The following VPS13A variants were observed in gnomAD, a reference collection of about 807,000 sequenced individuals.
The protein encoded by VPS13A is vacuolar protein sorting 13 homolog A, also known as intermembrane lipid transfer protein VPS13A.
In VPS13A, 264 loss-of-function variants were observed where a neutral mutation model predicts 390.9. That is an observed-to-expected ratio of 0.68 (90% CI 0.61 to 0.75). The LOEUF is 0.75. Among genes scored for constraint, VPS13A ranks in the 30% least tolerant of loss-of-function variants. The pLI, the probability that VPS13A is intolerant of heterozygous loss-of-function variation, is 0.00. For synonymous variants in VPS13A, 1,231 were observed against 1,227.1 expected, an observed-to-expected ratio of 1.00 and a Z score of -0.07; for missense variants, 3,409 against 3,733.9, an observed-to-expected ratio of 0.91 and a Z score of 2.27.
Position 77,361,836 on chromosome 9 carries a change from A to G in VPS13A, c.8211+1195A>G, listed in dbSNP as rs577437285. On this transcript the variant is annotated intron_variant, in intron 59 of 71. Transcript: ENST00000360280. ...TTACTATCTGTCTTTGATTCTAGCAATCATAATGGGTGAATGTGAAATAGT... is the reference window on the plus strand; with the variant it reads ...TTACTATCTGTCTTTGATTCTAGCAGTCATAATGGGTGAATGTGAAATAGT... 2.6e-4 allele frequency among the ~76,000 whole-genome samples: 39 copies of G among 152,176 alleles called. No individual in the cohort carries two copies. In the East Asian group the frequency reaches 3.7e-3, roughly 14 times the overall value.
chr9:77,239,372 A>G (rs905847256), intron 19 of VPS13A, among the ~76,000 whole-genome samples: 3 of 152,022 alleles, frequency 2.0e-5, no homozygotes, highest in African/African-American at 7.2e-5. Flanking sequence ...ACCCTGCCAC[A>G]CACACCAAAA....
At position 77,316,381 on chromosome 9, in the gene VPS13A, T is replaced by G; in HGVS notation, c.4838T>G (p.Val1613Gly). ...GTGAGAGCCTGCCCGTTTCTTCCAG[T>G]CAAGAGAAAAGGCAAAATCACTACT... ...LQVRACPFLP[V>G]KRKGKITTVL... is the part of the protein sequence containing the mutation. The change falls in exon 39 of 72, where the codon GTC (valine) becomes GGC (glycine). Residue 1613 changes from valine (V) to glycine (G), a missense_variant. By Grantham distance (109) the Val-to-Gly change is moderately radical. Coordinates refer to ENST00000360280, the MANE Select transcript of VPS13A (RefSeq NM_033305.3). 1 of 1,612,968 alleles carries G rather than the reference T, an allele frequency of 6.2e-7. No homozygotes were observed. Among genetic ancestry groups the G allele is most frequent in the Non-Finnish European group, 8.5e-7 (1 of 1,179,182 alleles).
rs1187167023 is a variant in VPS13A at position 77,418,133 on chromosome 9, G to A, written c.*2127G>A. Reference sequence around the variant, plus strand: ...ATTCTGTAGCCCATTTTTCTTGAAGGTTAGAATAAGAATCTTCTTGTATTT... The same window carrying A: ...ATTCTGTAGCCCATTTTTCTTGAAGATTAGAATAAGAATCTTCTTGTATTT... On this transcript the variant is annotated 3_prime_UTR_variant, in exon 72 of 72. Coordinates refer to ENST00000360280, the MANE Select transcript of VPS13A (RefSeq NM_033305.3). 1 of 152,096 alleles carries A rather than the reference G, an allele frequency of 6.6e-6. No individual in the cohort carries two copies. The highest frequency in any genetic ancestry group is 1.9e-4 in the East Asian group (1 of 5,192). 9.4% of individuals were successfully genotyped at this position (152,096 alleles called of 1,614,324 possible).
chr9:77,372,711 G>A (rs1338825428), intron 67 of VPS13A, among the ~76,000 whole-genome samples: 3 of 152,134 alleles, frequency 2.0e-5, no homozygotes, highest in African/African-American at 7.2e-5. Flanking sequence ...GTTTGCAGAC[G>A]ACATGATTGT....
intron 68 of VPS13A, among the ~76,000 whole-genome samples, chr9:77,396,758 TTTAC>T (rs1343448743): frequency 1.3e-5 from 2 of 152,196 alleles, no homozygotes; most frequent in South Asian, 2.1e-4. Context: ...AGTTTGTCTA[TTTAC>T]TTCTTAAATA....
At chr9:77,182,156 C>T (rs548747916) in intron 1 of VPS13A, among the ~76,000 whole-genome samples, 14 of 152,274 alleles carry the variant, frequency 9.2e-5, no homozygotes, top group South Asian at 4.1e-4. Flanking sequence ...TGCAGTGACG[C>T]GATCTCGGCT....
chr9:77,225,493 G>T (rs577891375), intron 13 of VPS13A, among the ~76,000 whole-genome samples: 1 of 152,246 alleles, frequency 6.6e-6, no homozygotes, highest in South Asian at 2.1e-4. Context: ...TGATTCGCCT[G>T]CCTCAGCCTC....
chr9:77,282,257 A>G lies in VPS13A; in HGVS notation c.3101A>G (p.Asp1034Gly), dbSNP rs776011850. 3 of 1,612,456 alleles carry G rather than the reference A, an allele frequency of 1.9e-6. No individual in the cohort carries two copies. The highest frequency in any genetic ancestry group is 2.5e-6 in the Non-Finnish European group (3 of 1,179,510). Residue 1034 changes from aspartate to glycine, a missense_variant, in exon 29 of 72, where the codon GAT becomes GGT. Physicochemically the swap from Asp to Gly is moderately conservative, Grantham distance 94. Around this residue, in one of 5 missense-constraint regions of VPS13A, gnomAD observed 2,717 missense variants for 2,917.4 expected, o/e 0.93. Transcript: ENST00000360280. Reference protein sequence around the residue: ...VSTTETEDKGDVIKKLALKLS... With the variant: ...VSTTETEDKGGVIKKLALKLS... ...ACTACAGAGACTGAAGACAAAGGAG[A>G]TGTCATTAAAAAATTAGGTATGTTT...
Position 77,319,654 on chromosome 9 carries a change from C to T in VPS13A, c.5396C>T (p.Pro1799Leu), listed in dbSNP as rs1829620298. The change falls in exon 42 of 72, where the codon CCA (proline) becomes CTA (leucine). Residue 1799 changes from proline to leucine, a missense_variant. Pro to Leu is a moderately conservative substitution (Grantham distance 98, BLOSUM62 -3). Around this residue, in one of 5 missense-constraint regions of VPS13A, gnomAD observed 2,717 missense variants for 2,917.4 expected, o/e 0.93. Coordinates refer to ENST00000360280, the MANE Select transcript of VPS13A (RefSeq NM_033305.3). ...LEIDQTEDFR[P>L]WNLGIKMKKK... is the part of the protein sequence containing the mutation. ...ATTGATCAGACTGAGGATTTTAGAC[C>T]ATGGAATCTTGGTATCAAGGTATAT... The T allele has an allele frequency of 1.2e-6, 2 of 1,603,028 alleles. No individual in the cohort carries two copies. The highest frequency in any genetic ancestry group is 4.5e-5 in the East Asian group (2 of 44,704).
At chr9:77,399,250 A>G (rs1020640711) in intron 68 of VPS13A, among the ~76,000 whole-genome samples, 5 of 150,924 alleles carry the variant, frequency 3.3e-5, no homozygotes. Flanking sequence ...TACTATGACC[A>G]TAAAGCTCAT....
Position 77,227,433 on chromosome 9 carries a change from A to G in VPS13A, c.1400A>G (p.Tyr467Cys). ...MLTPEEKALL[Y>C]EAIGYSETAV... Reference sequence around the variant, plus strand: ...ACACCTGAAGAAAAAGCTTTACTCTATGAAGCAATTGGCTATAGTGAAACA... The same window carrying G: ...ACACCTGAAGAAAAAGCTTTACTCTGTGAAGCAATTGGCTATAGTGAAACA... Residue 467 changes from tyrosine to cysteine, a missense_variant, in exon 16 of 72, where the codon TAT becomes TGT. Physicochemically the swap from Tyr to Cys is radical, Grantham distance 194 (BLOSUM62 -2). This residue lies in a region of VPS13A where 2,717 missense variants were observed against 2,917.4 expected (regional missense o/e 0.93). Coordinates refer to ENST00000360280, the MANE Select transcript of VPS13A (RefSeq NM_033305.3). The G allele has an allele frequency of 1.9e-6, 3 of 1,613,706 alleles. No individual in the cohort carries two copies. Among genetic ancestry groups the G allele is most frequent in the Non-Finnish European group, 1.7e-6 (2 of 1,179,844 alleles).
At chr9:77,213,162 G>A in intron 8 of VPS13A, 72 bp from the exon 9 acceptor site, 2 of 1,546,606 alleles carry the variant, frequency 1.3e-6, no homozygotes, top group Non-Finnish European at 1.8e-6. Flanking sequence ...TTAATTATTT[G>A]AGACTTCTGA....
chr9:77,371,279 C>A, intron 67 of VPS13A, 130 bp downstream of exon 67: 1 of 1,292,426 alleles, frequency 7.7e-7, no homozygotes, highest in East Asian at 2.5e-5. Context: ...CCACATAATA[C>A]CACAGACTGG....
Position 77,370,331 on chromosome 9 carries a change from TG to T in VPS13A, c.8743+1del. ...GLKALVGGAVGGLAGAASKIT... is the reference protein window; with the variant it reads ...GLKALVGGAVXGLAGAASKIT... ...TTAAGGCACTAGTTGGTGGAGCTGT[TG>T]GTAAGAAACAGAATATCTACCAAGT... is the stretch of plus-strand genomic sequence containing the variant. On this transcript the variant is annotated frameshift_variant and splice_region_variant, in exon 64 of 72. Coordinates refer to ENST00000360280, the MANE Select transcript of VPS13A (RefSeq NM_033305.3). LOFTEE classifies it high-confidence loss of function. The T allele has an allele frequency of 6.2e-7, 1 of 1,614,134 alleles. No homozygotes were observed. The highest frequency in any genetic ancestry group is 8.5e-7 in the Non-Finnish European group (1 of 1,180,016).
chr9:77,339,616 A>G lies in VPS13A; in HGVS notation c.6479A>G (p.Tyr2160Cys). 1.9e-6 allele frequency: 3 copies of G among 1,613,022 alleles called. No individual in the cohort carries two copies. The highest frequency in any genetic ancestry group is 2.2e-5 in the South Asian group (2 of 90,950). The part of the protein sequence containing the change: ...KARLHLKLLD[Y>C]LNHDWKSEYH... ...AGGCTACATTTAAAATTACTTGACT[A>G]TCTCAATCACGATTGGAAAAGTGAA... is the stretch of plus-strand genomic sequence containing the variant. The change falls in exon 48 of 72, where the codon TAT (tyrosine) becomes TGT (cysteine). Residue 2160 changes from tyrosine (Y) to cysteine (C), a missense_variant. Tyr to Cys is a radical substitution (Grantham distance 194, BLOSUM62 -2). Around this residue, in one of 5 missense-constraint regions of VPS13A, gnomAD observed 2,717 missense variants for 2,917.4 expected, o/e 0.93. Coordinates refer to ENST00000360280, the MANE Select transcript of VPS13A (RefSeq NM_033305.3).
chr9:77,201,001 G>A (rs970733145), intron 2 of VPS13A, among the ~76,000 whole-genome samples: 27 of 152,144 alleles, frequency 1.8e-4, no homozygotes, highest in Middle Eastern at 3.4e-3. Flanking sequence ...TTTACAAAAC[G>A]CGTATTTTGC....
intron 70 of VPS13A, 79 bp downstream of exon 70, chr9:77,406,066 G>T: frequency 6.4e-7 from 1 of 1,559,590 alleles, no homozygotes. Flanking sequence ...TTTGTATAAT[G>T]CTCTACCTCT....
At chr9:77,187,604 AACATACACACAC>A in intron 1 of VPS13A, among the ~76,000 whole-genome samples, 1 of 125,004 alleles carries the variant, frequency 8.0e-6, no homozygotes, top group Non-Finnish European at 1.6e-5. Context: ...TTTACATACA[AACATACACACAC>A]ACACACACAC....
intron 1 of VPS13A, among the ~76,000 whole-genome samples, chr9:77,198,333 G>A (rs1469703057): frequency 6.6e-6 from 1 of 152,040 alleles, no homozygotes; most frequent in Non-Finnish European, 1.5e-5. Flanking sequence ...ATAATTTATT[G>A]TTCTGTTATG....
Sources: allele counts gnomAD v4.1 joint callset (sites outside exome capture counted in the v4.1 genomes callset), GRCh38; gene constraint gnomAD v4.1.1; regional missense constraint gnomAD v4.1.1; transcripts MANE v1.5; gene names NCBI Gene and HGNC (gene_info 2026-07-23, HGNC 2026-07-21).